DMD: variants seen among roughly 807,000 people sequenced by gnomAD.
DMD encodes mutant dystrophin.
In DMD, 63 loss-of-function variants were observed where a neutral mutation model predicts 330.1. The ratio of observed to expected loss-of-function variants is 0.19; its 90% confidence interval spans 0.16 to 0.24. DMD has a LOEUF of 0.24. Among genes scored for constraint, DMD ranks in the 10% least tolerant of loss-of-function variants. The probability of loss-of-function intolerance (pLI) is 1.00; values close to 1 mark genes in which losing one functional copy is unlikely to be tolerated. For synonymous variants in DMD, 1,223 were observed against 959.8 expected (o/e 1.27, Z -5.07); for missense variants, 3,344 against 2,684.1 (o/e 1.25, Z -5.43).
chrX:33,098,542 T>C (rs2095200766), intron 1 of DMD, among the ~76,000 whole-genome samples: 2 of 110,965 alleles, frequency 1.8e-5, no homozygotes, highest in African/African-American at 6.6e-5. Context: ...GACTTATAAC[T>C]TGAGTGCTTT....
chrX:32,554,853 AGAGAGAGAGAGAGAG>A lies in DMD; in HGVS notation c.1993-9534_1993-9520del, dbSNP rs1569189813. On this transcript the variant is annotated intron_variant, in intron 16 of 78. Coordinates refer to ENST00000357033, the MANE Select transcript of DMD (RefSeq NM_004006.3). ...GAGGGAGAGAGAGAGAGAGAGAGAG[AGAGAGAGAGAGAGAG>A]AGAAGGAAAGAAGAAAGAAAGAAAG... 3.0e-3 allele frequency among the ~76,000 whole-genome samples: 193 copies of A among 63,375 alleles called. 15 individuals carry two copies. Among genetic ancestry groups the A allele is most frequent in the Admixed American group, 0.025 (147 of 5,864 alleles). The allele number at this position is 63,375 out of a possible 115,157, so 55.0% of individuals were successfully genotyped here.
chrX:32,526,655 TGAGA>T (rs1444883017), intron 17 of DMD, among the ~76,000 whole-genome samples: 1 of 111,930 alleles, frequency 8.9e-6, no homozygotes, highest in African/African-American at 3.2e-5. Flanking sequence ...TGGTAAATAC[TGAGA>T]GATACCTGTG....
At chrX:31,806,489 AT>A (rs1470517482) in intron 50 of DMD, among the ~76,000 whole-genome samples, 6 of 112,636 alleles carry the variant, frequency 5.3e-5, no homozygotes, top group Admixed American at 4.7e-4. Flanking sequence ...GGATTTCAAT[AT>A]TTTGTTTTCT....
At chrX:32,096,800 T>C (rs1443850719) in intron 44 of DMD, among the ~76,000 whole-genome samples, 1 of 111,645 alleles carries the variant, frequency 9.0e-6, no homozygotes, top group Non-Finnish European at 1.9e-5. Flanking sequence ...CAACCATCAT[T>C]AAGACAAGCG....
At chrX:32,930,009 T>C (rs1039252820) in intron 2 of DMD, among the ~76,000 whole-genome samples, 1 of 111,683 alleles carries the variant, frequency 9.0e-6, no homozygotes, top group African/African-American at 3.3e-5. Context: ...GATATACCCA[T>C]CATAGTTTGG....
intron 16 of DMD, among the ~76,000 whole-genome samples, chrX:32,547,045 C>A (rs2049035863): frequency 1.1e-5 from 1 of 88,424 alleles, no homozygotes; most frequent in Non-Finnish European, 2.3e-5. Flanking sequence ...TAGTAGGATC[C>A]CAAGATAATT....
intron 9 of DMD, among the ~76,000 whole-genome samples, chrX:32,690,777 C>T (rs1340152122): frequency 3.7e-5 from 4 of 106,680 alleles, no homozygotes; most frequent in Admixed American, 9.9e-5. Context: ...GTTGGAAAAA[C>T]TGGATATCCA....
chrX:31,830,010 G>T lies in DMD; in HGVS notation c.7200+6708C>A, dbSNP rs1378195121. 3.6e-5 allele frequency among the ~76,000 whole-genome samples: 4 copies of T among 112,200 alleles called. No homozygotes were observed. The East Asian group carries it at 1.1e-3, about 31-fold the overall frequency. On this transcript the variant is annotated intron_variant, in intron 49 of 78. Coordinates refer to ENST00000357033, the MANE Select transcript of DMD (RefSeq NM_004006.3). The stretch of plus-strand genomic sequence containing the variant: ...GAAAAGAAAGTTGGCTCATATTCAA[G>T]ACTTTATACTATCTCTTATGTCTCA...
At chrX:32,648,215 T>C (rs2059906747) in intron 9 of DMD, among the ~76,000 whole-genome samples, 1 of 112,075 alleles carries the variant, frequency 8.9e-6, no homozygotes, top group African/African-American at 3.2e-5. Flanking sequence ...AGGATGTGCA[T>C]AAAACAAAAA....
rs188930444 is a variant in DMD, at chrX:32,398,723, A to G, written c.4234-8542T>C. Among the ~76,000 whole-genome samples the G allele has an allele frequency of 4.1e-4, 46 of 112,025 alleles. No individual in the cohort carries two copies. In the East Asian group the frequency reaches 7.6e-3, roughly 18 times the overall value. ...ATTTTCTAACAAAGACATTCTTCAC[A>G]GAAATAGAAAAAACAATCTTAAAAT... is the stretch of plus-strand genomic sequence containing the variant. On this transcript the variant is annotated intron_variant, in intron 30 of 78. Transcript: ENST00000357033.
intron 54 of DMD, among the ~76,000 whole-genome samples, chrX:31,643,521 T>C (rs934300688): frequency 8.9e-6 from 1 of 111,784 alleles, no homozygotes; most frequent in Non-Finnish European, 1.9e-5. Context: ...GCATGAAAAA[T>C]AATAGGATAA....
At chrX:31,963,617 G>A (rs1351673138) in intron 45 of DMD, among the ~76,000 whole-genome samples, 1 of 110,303 alleles carries the variant, frequency 9.1e-6, no homozygotes, top group Non-Finnish European at 1.9e-5. Flanking sequence ...AGTAACCAGA[G>A]TTCCTTGAAA....
chrX:31,130,373 A>G (rs2147724897), intron 77 of DMD, among the ~76,000 whole-genome samples: 1 of 111,878 alleles, frequency 8.9e-6, no homozygotes, highest in East Asian at 2.8e-4. Context: ...CTATAATTCA[A>G]TTTCTACACA....
At chrX:32,815,518 T>TACAC (rs1355168422) in intron 6 of DMD, among the ~76,000 whole-genome samples, 71 of 45,464 alleles carry the variant, frequency 1.6e-3, no homozygotes, top group Middle Eastern at 0.011. Context: ...TATATATATA[T>TACAC]ATACACACAC....
rs148529280 is a variant in DMD at position 31,761,870 on chromosome X, T to C, written c.7542+12090A>G. 1.7e-3 allele frequency among the ~76,000 whole-genome samples: 191 copies of C among 112,409 alleles called. 1 individual carries two copies. Among genetic ancestry groups the C allele is most frequent in the African/African-American group, 6.0e-3 (185 of 31,010 alleles). ...TGCTTATGTCCAAAGAAGAAAAATGTGCATTATTAAGAGTATCTTGGCTAG... is the reference window on the plus strand; with the variant it reads ...TGCTTATGTCCAAAGAAGAAAAATGCGCATTATTAAGAGTATCTTGGCTAG... On this transcript the variant is annotated intron_variant, in intron 51 of 78. Coordinates refer to ENST00000357033, the MANE Select transcript of DMD (RefSeq NM_004006.3).
At chrX:32,486,497 CTACTT>C (rs2042483148) in intron 20 of DMD, among the ~76,000 whole-genome samples, 1 of 110,823 alleles carries the variant, frequency 9.0e-6, no homozygotes, top group African/African-American at 3.3e-5. Context: ...TTGGAAAAAA[CTACTT>C]TAAAGTTCAT....
intron 50 of DMD, among the ~76,000 whole-genome samples, chrX:31,795,142 C>T (rs771226767): frequency 9.0e-6 from 1 of 111,410 alleles, no homozygotes; most frequent in East Asian, 2.8e-4. Context: ...CAAGTTTCTA[C>T]GGAATCCATC....
At chrX:32,439,193 TAA>T (rs2098272317) in intron 28 of DMD, among the ~76,000 whole-genome samples, 1 of 111,793 alleles carries the variant, frequency 8.9e-6, no homozygotes, top group Non-Finnish European at 1.9e-5. Context: ...ACAAATTTAT[TAA>T]ATCTTCTGTT....
At chrX:33,188,561 CG>C (rs1443342927) in intron 1 of DMD, among the ~76,000 whole-genome samples, 4 of 110,836 alleles carry the variant, frequency 3.6e-5, no homozygotes, top group Non-Finnish European at 7.5e-5. Flanking sequence ...GGGAACCAGT[CG>C]GGTCACAGGA....
Sources: allele counts gnomAD v4.1 joint callset (sites outside exome capture counted in the v4.1 genomes callset), GRCh38; gene constraint gnomAD v4.1.1; transcripts MANE v1.5; gene names NCBI Gene and HGNC (gene_info 2026-07-23, HGNC 2026-07-21).